The following IL1RL2 variants were observed in gnomAD, a reference collection of about 807,000 sequenced individuals.
IL1RL2 encodes the protein interleukin-1 receptor-like 2.
A neutral mutation model predicts 66.8 loss-of-function variants in IL1RL2; 68 were observed. The observed-to-expected ratio is 1.02, with a 90% confidence interval of 0.84 to 1.25. IL1RL2 has a LOEUF of 1.25. IL1RL2 is among the 50% of genes most tolerant of loss of function. IL1RL2 has a pLI of 0.00. For missense variants in IL1RL2, 729 were observed against 709.3 expected (o/e 1.03, Z -0.32); for synonymous variants, 305 against 264.6 (o/e 1.15, Z -1.48).
At chr2:102,191,453 T>C (rs1481364889) in intron 3 of IL1RL2, among the ~76,000 whole-genome samples, 3 of 152,234 alleles carry the variant, frequency 2.0e-5, no homozygotes, top group Admixed American at 2.0e-4. Context: ...GGATCATGCA[T>C]TGCATTTGGT....
At chr2:102,188,032 C>G in intron 2 of IL1RL2, 107 bp downstream of exon 2, 1 of 1,066,042 alleles carries the variant, frequency 9.4e-7, no homozygotes, top group Non-Finnish European at 1.5e-6. Context: ...CGGCTCCTTC[C>G]CCTCCCCAGA....
At chr2:102,206,499 T>G (rs568906226) in intron 5 of IL1RL2, among the ~76,000 whole-genome samples, 39 of 152,360 alleles carry the variant, frequency 2.6e-4, no homozygotes, top group Non-Finnish European at 4.1e-4. Context: ...AGGTACCACC[T>G]TGATGATCTT....
chr2:102,226,030 A>G lies in IL1RL2; in HGVS notation c.1124A>G (p.Glu375Gly). 6 of 1,595,870 alleles carry G rather than the reference A, an allele frequency of 3.8e-6. No homozygotes were observed. Among genetic ancestry groups the G allele is most frequent in the Non-Finnish European group, 5.1e-6 (6 of 1,171,782 alleles). Residue 375 changes from glutamate (E) to glycine (G), a missense_variant, in exon 9 of 12, where the codon GAG (glutamate) becomes GGG (glycine). Physicochemically the swap from Glu to Gly is moderately conservative, Grantham distance 98. Transcript: ENST00000264257. ...LWYRSAFHST[E>G]TIVDGKLYDA... The stretch of plus-strand genomic sequence containing the variant: ...TATCGAAGTGCCTTCCATTCTACAG[A>G]GACCATAGTAGGTAAGTGTGTGTAA...
At chr2:102,228,230 CTGA>C (rs781089666) in intron 9 of IL1RL2, among the ~76,000 whole-genome samples, 3 of 152,310 alleles carry the variant, frequency 2.0e-5, no homozygotes, top group Non-Finnish European at 2.9e-5. Context: ...CAGTGAGCTA[CTGA>C]TGAGATTCTG....
At chr2:102,242,662 C>T (rs999917232), downstream of IL1RL2, among the ~76,000 whole-genome samples, 2 of 152,048 alleles carry the variant, frequency 1.3e-5, no homozygotes, top group Non-Finnish European at 2.9e-5. Context: ...TGGATGATGC[C>T]CACCTGCTCT....
At chr2:102,230,555 C>T (rs997606694) in intron 9 of IL1RL2, among the ~76,000 whole-genome samples, 1 of 152,180 alleles carries the variant, frequency 6.6e-6, no homozygotes, top group Non-Finnish European at 1.5e-5. Flanking sequence ...TTTGGATATT[C>T]GGTGAGCACT....
intron 11 of IL1RL2, among the ~76,000 whole-genome samples, chr2:102,238,325 G>A (rs1028427448): frequency 6.6e-6 from 1 of 152,160 alleles, no homozygotes; most frequent in Non-Finnish European, 1.5e-5. Context: ...CCCTGGGAAA[G>A]ACCCAGTCAC....
At chr2:102,218,535 A>G (rs776713656) in intron 6 of IL1RL2, among the ~76,000 whole-genome samples, 1 of 152,212 alleles carries the variant, frequency 6.6e-6, no homozygotes, top group Non-Finnish European at 1.5e-5. Context: ...AAGTCACTCA[A>G]TCTATCTGAA....
intron 8 of IL1RL2, among the ~76,000 whole-genome samples, chr2:102,221,885 C>A (rs545639627): frequency 2.0e-5 from 3 of 152,270 alleles, no homozygotes; most frequent in Admixed American, 6.5e-5. Flanking sequence ...ATAACATATG[C>A]ACATATATGG....
At chr2:102,235,732 C>T (rs765234391) in intron 11 of IL1RL2, 9 of 985,274 alleles carry the variant, frequency 9.1e-6, no homozygotes, top group African/African-American at 1.7e-5. Context: ...TATTTGTCCA[C>T]GCCTGTCCAG....
At chr2:102,207,109 ATGC>A (rs1274170025) in intron 5 of IL1RL2, among the ~76,000 whole-genome samples, 1 of 152,100 alleles carries the variant, frequency 6.6e-6, no homozygotes, top group Non-Finnish European at 1.5e-5. Context: ...CTTGTGGCAA[ATGC>A]TGCCTTCCTG....
intron 10 of IL1RL2, among the ~76,000 whole-genome samples, chr2:102,233,754 G>A (rs142792171): frequency 7.4e-4 from 113 of 152,176 alleles, no homozygotes; most frequent in African/African-American, 2.6e-3. Flanking sequence ...AGGGGTCCCC[G>A]GCATGGAGCT....
intron 4 of IL1RL2, among the ~76,000 whole-genome samples, chr2:102,199,881 G>C (rs1203691480): frequency 6.6e-6 from 1 of 152,124 alleles, no homozygotes; most frequent in Non-Finnish European, 1.5e-5. Context: ...TGTTTGGGCT[G>C]AGTTCAGTGG....
rs780250200 is a variant in IL1RL2 at position 102,201,568 on chromosome 2, A to C, written c.502A>C (p.Ile168Leu). 6.2e-7 allele frequency: 1 copy of C among 1,614,060 alleles called. No homozygotes were observed. Among genetic ancestry groups the C allele is most frequent in the Non-Finnish European group, 8.5e-7 (1 of 1,179,954 alleles). The change falls in exon 5 of 12, where the codon ATT becomes CTT. Residue 168 changes from isoleucine to leucine, a missense_variant. Transcript: ENST00000264257. ...TTATTTGTATTAGGACTGTAACGAG[A>C]TTAAAGGGGAGCGGTTCACTGTTTT... ...PIKWYKDCNE[I>L]KGERFTVLET...
intron 9 of IL1RL2, among the ~76,000 whole-genome samples, chr2:102,228,925 G>C (rs577497633): frequency 1.3e-5 from 2 of 152,174 alleles, no homozygotes; most frequent in African/African-American, 4.8e-5. Flanking sequence ...ATGGTGTAGG[G>C]AAGCTTGACT....
downstream of IL1RL2, among the ~76,000 whole-genome samples, chr2:102,240,681 T>TC (rs1387202126): frequency 6.6e-6 from 1 of 152,196 alleles, no homozygotes; most frequent in Non-Finnish European, 1.5e-5. Context: ...AGGCTGCTGG[T>TC]CCCCCTGTCA....
At chr2:102,208,299 T>C (rs75564434) in intron 5 of IL1RL2, among the ~76,000 whole-genome samples, 218 of 152,338 alleles carry the variant, frequency 1.4e-3, no homozygotes, top group Middle Eastern at 0.01. Context: ...TATTCTGCCA[T>C]CTTGTTCCAC....
In IL1RL2 at chr2:102,218,942, G is replaced by GT. The variant is rs774780732; in HGVS notation, c.725-3dup. 4.4e-5 allele frequency: 71 copies of GT among 1,601,830 alleles called. No individual in the cohort carries two copies. The highest frequency in any genetic ancestry group is 1.3e-4 in the East Asian group (6 of 44,724). On this transcript the variant is annotated splice_polypyrimidine_tract_variant and intron_variant, in intron 6 of 11. Transcript: ENST00000264257. Reference sequence around the variant, plus strand: ...TTTTCATTGAATATTGATGATATTGGTTTTTTTTAGGTACCACTCTGATTG... The same window carrying GT: ...TTTTCATTGAATATTGATGATATTGGTTTTTTTTTAGGTACCACTCTGATTG...
At chr2:102,206,252 T>C (rs565273620) in intron 5 of IL1RL2, among the ~76,000 whole-genome samples, 2 of 152,334 alleles carry the variant, frequency 1.3e-5, no homozygotes, top group South Asian at 4.1e-4. Context: ...CCTGGTGCCT[T>C]ATTTAATTCA....
Sources: allele counts gnomAD v4.1 joint callset (sites outside exome capture counted in the v4.1 genomes callset), GRCh38; gene constraint gnomAD v4.1.1; transcripts MANE v1.5; gene names NCBI Gene and HGNC (gene_info 2026-07-23, HGNC 2026-07-21).